The following RRP1B variants were observed in gnomAD, a reference collection of about 807,000 sequenced individuals.
RRP1B encodes the protein ribosomal RNA processing 1B, also known as ribosomal RNA processing protein 1 homolog B.
Under a neutral mutation model 80.2 loss-of-function variants are expected in RRP1B, and 56 were observed. That is an observed-to-expected ratio of 0.70 (90% CI 0.56 to 0.87). The LOEUF is 0.87. Ranked by LOEUF, RRP1B falls within the 40% of genes least tolerant of loss-of-function variation. The pLI is 0.00. For synonymous variants in RRP1B, 351 were observed against 357.6 expected (o/e 0.98, Z 0.21); for missense variants, 807 against 939.8 (o/e 0.86, Z 1.85).
chr21:43,686,035 C>T (rs1212620822), intron 11 of RRP1B: 3 of 352,300 alleles, frequency 8.5e-6, no homozygotes, highest in Non-Finnish European at 5.1e-6. Flanking sequence ...AGGGGAGGAT[C>T]GCTTGAGCCC....
chr21:43,685,085 T>C (rs1397207529), intron 10 of RRP1B, among the ~76,000 whole-genome samples: 1 of 152,168 alleles, frequency 6.6e-6, no homozygotes, highest in Non-Finnish European at 1.5e-5. Flanking sequence ...CATAGTGACA[T>C]GATGACCTGG....
chr21:43,693,928 C>G lies in RRP1B; in HGVS notation c.*545C>G. ...GATTCTTGTCACAGAATCAGCAATA[C>G]CATAGTTTTTCTACATGTGCTCAGC... On this transcript the variant is annotated 3_prime_UTR_variant, in exon 16 of 16. Coordinates refer to ENST00000340648, the MANE Select transcript of RRP1B (RefSeq NM_015056.3). This position sits in a 1 kb window ranked among gnomAD's most constrained non-coding sequence, Gnocchi z 4.1. The G allele has an allele frequency of 6.6e-6, 1 of 152,394 alleles. No homozygotes were observed. The highest frequency in any genetic ancestry group is 1.5e-5 in the Non-Finnish European group (1 of 68,172). 9.4% of individuals were successfully genotyped at this position (152,394 alleles called of 1,614,324 possible).
intron 1 of RRP1B, among the ~76,000 whole-genome samples, chr21:43,663,130 T>A (rs4819283): frequency 0.69 from 104,696 of 152,108 alleles, 36,555 homozygotes; most frequent in East Asian, 0.82. Flanking sequence ...GTGTTCAAGT[T>A]TAACACTTTA....
intron 1 of RRP1B, among the ~76,000 whole-genome samples, chr21:43,667,259 C>A (rs1359835171): frequency 1.3e-5 from 2 of 152,132 alleles, no homozygotes; most frequent in African/African-American, 4.8e-5. Context: ...GACAGAGTTG[C>A]TCTGTTGCCC....
At chr21:43,665,418 G>A (rs1375006053) in intron 1 of RRP1B, among the ~76,000 whole-genome samples, 2 of 152,242 alleles carry the variant, frequency 1.3e-5, no homozygotes, top group African/African-American at 4.8e-5. Flanking sequence ...CAGGGAGCAA[G>A]ACAAGCTTGT....
At chr21:43,669,999 T>G in intron 2 of RRP1B, 33 bp downstream of exon 2, 19 of 1,482,782 alleles carry the variant, frequency 1.3e-5, no homozygotes, top group Non-Finnish European at 1.7e-5. Context: ...TGCTCCCGGG[T>G]TCTTGCTGTG....
chr21:43,686,752 G>T, intron 11 of RRP1B, 52 bp from the exon 12 acceptor site: 2 of 1,606,340 alleles, frequency 1.2e-6, no homozygotes, highest in Admixed American at 1.7e-5. Flanking sequence ...GGCCCCTGGG[G>T]CAGAGTCTTG....
At chr21:43,663,647 T>C (rs1015868853) in intron 1 of RRP1B, among the ~76,000 whole-genome samples, 2 of 152,134 alleles carry the variant, frequency 1.3e-5, no homozygotes, top group Non-Finnish European at 2.9e-5. Flanking sequence ...AACCTCCACC[T>C]CCCAGGTTCA....
intron 8 of RRP1B, among the ~76,000 whole-genome samples, chr21:43,680,822 G>C (rs2083040339): frequency 6.6e-6 from 1 of 152,140 alleles, no homozygotes; most frequent in South Asian, 2.1e-4. Flanking sequence ...TGGGATTAAA[G>C]GCATGAGCCA....
At chr21:43,676,241 T>C in intron 6 of RRP1B, 31 bp from the exon 7 acceptor site, 2 of 1,504,950 alleles carry the variant, frequency 1.3e-6, no homozygotes, top group Non-Finnish European at 1.8e-6. Flanking sequence ...GAAAGGCTCT[T>C]TCTCAATTTT....
intron 5 of RRP1B, 74 bp downstream of exon 5, chr21:43,674,771 C>A: frequency 1.5e-6 from 2 of 1,325,074 alleles, no homozygotes; most frequent in Non-Finnish European, 2.1e-6. Flanking sequence ...GTTTTCTGAA[C>A]TTGTAGAGTA....
intron 9 of RRP1B, among the ~76,000 whole-genome samples, chr21:43,683,717 C>T (rs2083052119): frequency 6.6e-6 from 1 of 152,098 alleles, no homozygotes; most frequent in Admixed American, 6.6e-5. Context: ...TACAAGCTCA[C>T]GCCTGTAATC....
Position 43,673,859 on chromosome 21 carries a change from G to C in RRP1B, c.272-11G>C. 1 of 1,604,462 alleles carries C rather than the reference G, an allele frequency of 6.2e-7. No individual in the cohort carries two copies. Among genetic ancestry groups the C allele is most frequent in the African/African-American group, 1.3e-5 (1 of 74,810 alleles). On this transcript the variant is annotated splice_polypyrimidine_tract_variant and intron_variant, in intron 3 of 15. Coordinates refer to ENST00000340648, the MANE Select transcript of RRP1B (RefSeq NM_015056.3). The stretch of plus-strand genomic sequence containing the variant: ...GGAAGCCAAGTATTTAGAGCCTTTT[G>C]TTCACTGCAGAACACCTGTTCATTC...
intron 13 of RRP1B, among the ~76,000 whole-genome samples, chr21:43,688,892 C>T (rs1490685056): frequency 3.3e-5 from 5 of 152,184 alleles, no homozygotes; most frequent in African/African-American, 9.6e-5. Flanking sequence ...CAGGTTCAAG[C>T]GATTCTTCTG....
chr21:43,669,832 GAAGAA>G, intron 1 of RRP1B, 47 bp from the exon 2 acceptor site: 1 of 1,319,794 alleles, frequency 7.6e-7, no homozygotes, highest in Non-Finnish European at 1.1e-6. Flanking sequence ...TTCTAAACTT[GAAGAA>G]AAGAGATGCA....
chr21:43,659,870 G>T lies in RRP1B; in HGVS notation c.130+76G>T. ...GGCTGGGGCTAGGGCCAGGGCCCCG[G>T]CACGGAATGCGGCTTCCACGTGTTG... On this transcript the variant is annotated intron_variant, in intron 1 of 15. Transcript: ENST00000340648. The surrounding 1 kb of genome is among the most constrained non-coding windows in gnomAD (Gnocchi z 4.2). 7.4e-7 allele frequency: 1 copy of T among 1,358,528 alleles called. No homozygotes were observed. Among genetic ancestry groups the T allele is most frequent in the Non-Finnish European group, 9.6e-7 (1 of 1,045,174 alleles). 84.2% of individuals were successfully genotyped at this position (1,358,528 alleles called of 1,614,324 possible).
At chr21:43,677,198 G>A (rs1056469193) in intron 8 of RRP1B, among the ~76,000 whole-genome samples, 6 of 152,182 alleles carry the variant, frequency 3.9e-5, no homozygotes, top group Admixed American at 6.5e-5. Flanking sequence ...GTCACTGCTA[G>A]TGCTTTTTGT....
At chr21:43,662,004 C>G (rs1233288472) in intron 1 of RRP1B, among the ~76,000 whole-genome samples, 1 of 152,250 alleles carries the variant, frequency 6.6e-6, no homozygotes, top group Non-Finnish European at 1.5e-5. Context: ...TAGCACTTAG[C>G]TACATTGCTT....
intron 13 of RRP1B, among the ~76,000 whole-genome samples, chr21:43,688,642 G>C (rs963969413): frequency 6.6e-6 from 1 of 152,186 alleles, no homozygotes; most frequent in African/African-American, 2.4e-5. Context: ...AAATTCTCTT[G>C]CTTCACTCAC....
Sources: gnomAD v4.1 joint callset for allele counts (sites outside exome capture counted in the v4.1 genomes callset) on GRCh38, gnomAD v4.1.1 for gene constraint, Gnocchi (gnomAD v3.1) non-coding constraint, MANE v1.5 for transcripts, NCBI Gene and HGNC (gene_info 2026-07-23, HGNC 2026-07-21) for gene names.